The following CACNA1C variants were observed in gnomAD, a reference collection of about 807,000 sequenced individuals.
CACNA1C encodes calcium voltage-gated channel subunit alpha1 C.
A neutral mutation model predicts 229.0 loss-of-function variants in CACNA1C; 30 were observed. The observed-to-expected ratio is 0.13, with a 90% CI of 0.10 to 0.18. The LOEUF (loss-of-function observed/expected upper bound fraction) is 0.18. Among genes scored for constraint, CACNA1C ranks in the 10% least tolerant of loss-of-function variants. CACNA1C has a pLI of 1.00. For missense variants in CACNA1C, 1,658 were observed against 2,845.0 expected (o/e 0.58, Z 9.49); for synonymous variants, 1,114 against 1,132.5 (o/e 0.98, Z 0.33).
In CACNA1C at chr12:2,159,555, T is replaced by G. The variant is rs182356903; in HGVS notation, c.477+39125T>G. On this transcript the variant is annotated intron_variant, in intron 3 of 46. Coordinates refer to ENST00000399655, the MANE Select transcript of CACNA1C (RefSeq NM_000719.7). Reference sequence around the variant, plus strand: ...GAGATAAAGATTAAAACTAGAAAAATGAATAGCTGATTATTGGTGTTTATC... The same window carrying G: ...GAGATAAAGATTAAAACTAGAAAAAGGAATAGCTGATTATTGGTGTTTATC... 2.5e-3 allele frequency among the ~76,000 whole-genome samples: 377 copies of G among 151,620 alleles called. 1 individual carries two copies. The highest frequency in any genetic ancestry group is 8.5e-3 in the African/African-American group (352 of 41,314).
intron 3 of CACNA1C, among the ~76,000 whole-genome samples, chr12:2,263,344 G>T (rs1168301278): frequency 6.6e-6 from 1 of 152,164 alleles, no homozygotes; most frequent in African/African-American, 2.4e-5. Flanking sequence ...GCAGGGAGGA[G>T]GCAGGTATGG....
chr12:2,493,492 C>A lies in CACNA1C; in HGVS notation c.1113+106C>A. ...CCCCATGGTCTTGGGGTCACATACGCATCTTGATGGAATGGTTGATGAAGA... is the reference window on the plus strand; with the variant it reads ...CCCCATGGTCTTGGGGTCACATACGAATCTTGATGGAATGGTTGATGAAGA... On this transcript the variant is annotated intron_variant, in intron 7 of 46. Transcript: ENST00000399655. This position sits in a 1 kb window ranked among gnomAD's most constrained non-coding sequence, Gnocchi z 4.6. 1 of 792,982 alleles carries A rather than the reference C, an allele frequency of 1.3e-6. No individual in the cohort carries two copies. Among genetic ancestry groups the A allele is most frequent in the Non-Finnish European group, 2.1e-6 (1 of 470,426 alleles). The allele number at this position is 792,982 out of a possible 1,614,324, so 49.1% of individuals were successfully genotyped here.
intron 30 of CACNA1C, among the ~76,000 whole-genome samples, chr12:2,642,880 G>A (rs1402808546): frequency 6.6e-6 from 1 of 152,228 alleles, no homozygotes; most frequent in Admixed American, 6.5e-5. Context: ...GTCTTGTTTA[G>A]TGTGTGTTTC....
At chr12:2,109,496 A>G (rs1178404873) in intron 1 of CACNA1C, among the ~76,000 whole-genome samples, 1 of 152,230 alleles carries the variant, frequency 6.6e-6, no homozygotes, top group Non-Finnish European at 1.5e-5. Context: ...GAAATGAGCC[A>G]CTGTGTCAGG....
intron 1 of CACNA1C, among the ~76,000 whole-genome samples, chr12:2,066,601 G>A (rs2059354518): frequency 6.6e-6 from 1 of 152,180 alleles, no homozygotes; most frequent in African/African-American, 2.4e-5. Context: ...TGGTGGTTGT[G>A]AAGCAGGGGC....
chr12:2,561,072 A>G (rs776705316), intron 11 of CACNA1C, among the ~76,000 whole-genome samples: 3 of 152,092 alleles, frequency 2.0e-5, no homozygotes, highest in Non-Finnish European at 2.9e-5. Context: ...GAGGTAGTAC[A>G]TTTGCGTAGA....
intron 3 of CACNA1C, among the ~76,000 whole-genome samples, chr12:2,304,117 C>T (rs1014926061): frequency 1.3e-5 from 2 of 152,264 alleles, no homozygotes; most frequent in African/African-American, 4.8e-5. Context: ...CAGGACGGAG[C>T]AGGGACCATT....
chr12:2,547,259 G>C (rs957688528), intron 9 of CACNA1C, among the ~76,000 whole-genome samples: 1 of 152,116 alleles, frequency 6.6e-6, no homozygotes, highest in African/African-American at 2.4e-5. Flanking sequence ...TTGGGAGTTT[G>C]GTTCTATTGT....
intron 3 of CACNA1C, among the ~76,000 whole-genome samples, chr12:2,206,458 G>A (rs1468834300): frequency 1.3e-5 from 2 of 152,148 alleles, no homozygotes; most frequent in East Asian, 3.9e-4. Flanking sequence ...TTTCACCGCT[G>A]AGTAGTTATG....
chr12:1,976,066 C>T (rs1057387804), intron 1 of CACNA1C, among the ~76,000 whole-genome samples: 7 of 152,090 alleles, frequency 4.6e-5, no homozygotes, highest in Admixed American at 1.3e-4. Context: ...TTCTGCTTTA[C>T]TTGAGATTTT....
intron 34 of CACNA1C, among the ~76,000 whole-genome samples, chr12:2,663,735 C>CTT (rs55933898): frequency 0.016 from 1,625 of 103,746 alleles, 44 homozygotes; most frequent in Non-Finnish European, 0.019. Context: ...AATAGAGTAT[C>CTT]TTTTTTTTTT....
intron 9 of CACNA1C, among the ~76,000 whole-genome samples, chr12:2,532,612 A>C (rs2099843820): frequency 6.6e-6 from 1 of 152,130 alleles, no homozygotes; most frequent in Admixed American, 6.5e-5. Flanking sequence ...CTGTGTTCAC[A>C]CAGCCCACAC....
intron 1 of CACNA1C, among the ~76,000 whole-genome samples, chr12:1,976,830 T>C (rs2034518250): frequency 7.4e-6 from 1 of 135,418 alleles, no homozygotes; most frequent in Non-Finnish European, 1.5e-5. Context: ...CAAGCAAATA[T>C]ATTTGAGGAA....
chr12:2,631,782 G>A lies in CACNA1C; in HGVS notation c.3829-2515G>A, dbSNP rs148402615. Among the ~76,000 whole-genome samples, 260 of 152,346 alleles carry A rather than the reference G, an allele frequency of 1.7e-3. 1 individual carries two copies. Among genetic ancestry groups the A allele is most frequent in the African/African-American group, 6.0e-3 (248 of 41,578 alleles). ...CCATCCTGGCTGTCCAGTCTCCGGG[G>A]TGGCGTTTCTGTTTTCTTTCGGCAG... On this transcript the variant is annotated intron_variant, in intron 29 of 46. Transcript: ENST00000399655.
chr12:2,657,659 G>C (rs216050), intron 34 of CACNA1C, among the ~76,000 whole-genome samples: 64,288 of 152,020 alleles, frequency 0.42, 16,896 homozygotes, highest in African/African-American at 0.75. Flanking sequence ...ACTTATTGAG[G>C]TAAAGTTCAC....
chr12:2,374,251 A>C (rs2097958975), intron 3 of CACNA1C, among the ~76,000 whole-genome samples: 1 of 152,190 alleles, frequency 6.6e-6, no homozygotes, highest in Non-Finnish European at 1.5e-5. Flanking sequence ...GGAATTTTTT[A>C]GTAATGGACT....
At chr12:2,532,418 C>T (rs959356178) in intron 9 of CACNA1C, among the ~76,000 whole-genome samples, 13 of 152,178 alleles carry the variant, frequency 8.5e-5, no homozygotes, top group East Asian at 1.9e-4. Flanking sequence ...CAAGAAGGCC[C>T]GCTCCCCCAC....
At chr12:1,991,107 A>G in intron 1 of CACNA1C, 1 of 456,126 alleles carries the variant, frequency 2.2e-6, no homozygotes, top group Non-Finnish European at 4.4e-6. Flanking sequence ...TTTAATATGC[A>G]TCCCAAAGGC....
At chr12:1,984,206 G>T (rs2036975054) in intron 1 of CACNA1C, among the ~76,000 whole-genome samples, 1 of 151,966 alleles carries the variant, frequency 6.6e-6, no homozygotes, top group Non-Finnish European at 1.5e-5. Flanking sequence ...TAATCACTAT[G>T]TTAGCCCATT....
Sources: allele counts gnomAD v4.1 joint callset (sites outside exome capture counted in the v4.1 genomes callset), GRCh38; gene constraint gnomAD v4.1.1; non-coding constraint Gnocchi (gnomAD v3.1); transcripts MANE v1.5; gene names NCBI Gene and HGNC (gene_info 2026-07-23, HGNC 2026-07-21).